ABLIM2: variants seen among roughly 807,000 people sequenced by gnomAD.
ABLIM2 encodes actin binding LIM protein family member 2.
ABLIM2 carries 53 observed loss-of-function variants against 97.7 expected under a neutral mutation model. The observed-to-expected ratio is 0.54, with a 90% CI of 0.44 to 0.68. ABLIM2 has a LOEUF of 0.68. Ranked by LOEUF, ABLIM2 falls within the 30% of genes least tolerant of loss-of-function variation. ABLIM2 has a pLI of 0.00. For synonymous variants in ABLIM2, 361 were observed against 345.8 expected (o/e 1.04, Z -0.49); for missense variants, 835 against 867.2 (o/e 0.96, Z 0.47).
At chr4:8,026,290 T>C (rs954375560) in intron 12 of ABLIM2, among the ~76,000 whole-genome samples, 20 of 152,168 alleles carry the variant, frequency 1.3e-4, no homozygotes, top group Non-Finnish European at 2.1e-4. Context: ...GTATGAGCCA[T>C]TGCACCCAGG....
chr4:7,986,390 C>A lies in ABLIM2; in HGVS notation c.1681-1497G>T, dbSNP rs141581107. Reference sequence around the variant, plus strand: ...GGGAAGCTGGACCTTCTTCCTGATGCAGAGCTGGAGTCAGAGGGCTAGAGT... The same window carrying A: ...GGGAAGCTGGACCTTCTTCCTGATGAAGAGCTGGAGTCAGAGGGCTAGAGT... On this transcript the variant is annotated intron_variant, in intron 17 of 20. Transcript: ENST00000447017. This position sits in a 1 kb window ranked among gnomAD's most constrained non-coding sequence, Gnocchi z 4.3. Among the ~76,000 whole-genome samples the A allele has an allele frequency of 2.2e-4, 33 of 152,302 alleles. No individual in the cohort carries two copies. Among genetic ancestry groups the A allele is most frequent in the African/African-American group, 7.9e-4 (33 of 41,568 alleles).
rs1158558689 is a variant in ABLIM2 at position 8,128,569 on chromosome 4, C to T, written c.11-21932G>A. Among the ~76,000 whole-genome samples, 1 of 152,246 alleles carries T rather than the reference C, an allele frequency of 6.6e-6. No individual in the cohort carries two copies. The highest frequency in any genetic ancestry group is 2.4e-5 in the African/African-American group (1 of 41,460). On this transcript the variant is annotated intron_variant, in intron 1 of 20. Transcript: ENST00000447017. This position sits in a 1 kb window ranked among gnomAD's most constrained non-coding sequence, Gnocchi z 4.9. ...TCCCAGGCTCTAAAACACGAATGCA[C>T]TAAACCTCCAGTGACCTTGCACAGC...
intron 1 of ABLIM2, among the ~76,000 whole-genome samples, chr4:8,133,839 G>A (rs955576307): frequency 6.6e-6 from 1 of 152,244 alleles, no homozygotes; most frequent in Non-Finnish European, 1.5e-5. Context: ...CAATGGCTGG[G>A]CTAGTTAGGC....
chr4:8,032,018 C>G lies in ABLIM2; in HGVS notation c.1048-2242G>C, dbSNP rs190690331. The stretch of plus-strand genomic sequence containing the variant: ...CTGGGATTACAGGTGTGAGCCACCA[C>G]GCCCAGCCTATGAAATGTTTACAAT... On this transcript the variant is annotated intron_variant, in intron 10 of 20. Transcript: ENST00000447017. The surrounding 1 kb of genome is among the most constrained non-coding windows in gnomAD (Gnocchi z 4.3). Among the ~76,000 whole-genome samples the G allele has an allele frequency of 6.6e-6, 1 of 152,048 alleles. No homozygotes were observed. The highest frequency in any genetic ancestry group is 2.4e-5 in the African/African-American group (1 of 41,388).
intron 14 of ABLIM2, among the ~76,000 whole-genome samples, chr4:8,013,648 C>T (rs1347291591): frequency 6.6e-6 from 1 of 152,240 alleles, no homozygotes; most frequent in African/African-American, 2.4e-5. Flanking sequence ...CCTTGTCTGT[C>T]TGACCCTGAA....
chr4:8,120,291 G>A lies in ABLIM2; in HGVS notation c.11-13654C>T, dbSNP rs1010011798. ...GTTGAAGTCCTAACCCCCGGACCTC[G>A]GCAAGTGACTGTGTTCGGAGACGGG... is the stretch of plus-strand genomic sequence containing the variant. On this transcript the variant is annotated intron_variant, in intron 1 of 20. Coordinates refer to ENST00000447017, the MANE Select transcript of ABLIM2 (RefSeq NM_001130083.2). The surrounding 1 kb of genome is among the most constrained non-coding windows in gnomAD (Gnocchi z 5.6). 5.9e-5 allele frequency among the ~76,000 whole-genome samples: 9 copies of A among 152,124 alleles called. No homozygotes were observed. The highest frequency in any genetic ancestry group is 1.7e-4 in the African/African-American group (7 of 41,420).
chr4:8,026,068 C>T (rs1777136126), intron 12 of ABLIM2, among the ~76,000 whole-genome samples: 1 of 152,182 alleles, frequency 6.6e-6, no homozygotes, highest in South Asian at 2.1e-4. Flanking sequence ...AGTGCAGTGG[C>T]ACAATCGTAG....
In ABLIM2 at chr4:8,123,535, A is replaced by C. The variant is rs1166806515; in HGVS notation, c.11-16898T>G. ...TGAGGGAAGCATTTCCGGCATGTCT[A>C]ATTAAAACTGGTCGTCGGGATGGCT... On this transcript the variant is annotated intron_variant, in intron 1 of 20. Coordinates refer to ENST00000447017, the MANE Select transcript of ABLIM2 (RefSeq NM_001130083.2). This position sits in a 1 kb window ranked among gnomAD's most constrained non-coding sequence, Gnocchi z 6.2. Among the ~76,000 whole-genome samples, 1 of 152,162 alleles carries C rather than the reference A, an allele frequency of 6.6e-6. No individual in the cohort carries two copies. Among genetic ancestry groups the C allele is most frequent in the African/African-American group, 2.4e-5 (1 of 41,442 alleles).
chr4:8,147,188 T>C lies in ABLIM2; in HGVS notation c.10+11492A>G, dbSNP rs1020354641. On this transcript the variant is annotated intron_variant, in intron 1 of 20. Coordinates refer to ENST00000447017, the MANE Select transcript of ABLIM2 (RefSeq NM_001130083.2). This position sits in a 1 kb window ranked among gnomAD's most constrained non-coding sequence, Gnocchi z 5.3. Reference sequence around the variant, plus strand: ...ACTGCTCCTCAAAAGATTAGACCAATTCATATTCTTATCCACAGTCTGTGA... The same window carrying C: ...ACTGCTCCTCAAAAGATTAGACCAACTCATATTCTTATCCACAGTCTGTGA... Among the ~76,000 whole-genome samples the C allele has an allele frequency of 6.6e-5, 10 of 152,228 alleles. No individual in the cohort carries two copies. Among genetic ancestry groups the C allele is most frequent in the Non-Finnish European group, 1.5e-4 (10 of 68,040 alleles).
Position 8,010,334 on chromosome 4 carries a change from C to G in ABLIM2, c.1424-1232G>C, listed in dbSNP as rs1160491435. On this transcript the variant is annotated intron_variant, in intron 14 of 20. Transcript: ENST00000447017. ...TGTATCCCTTACAGAAACACTGACC[C>G]CATGCACTGAACAATTACACAAAAA... 4.1e-6 allele frequency: 4 copies of G among 978,980 alleles called. No homozygotes were observed. The African/African-American group carries it at 7.0e-5, about 17-fold the overall frequency. The allele number at this position is 978,980 out of a possible 1,614,324, so 60.6% of individuals were successfully genotyped here.
At chr4:8,097,036 G>A (rs947945162) in intron 3 of ABLIM2, 63 bp downstream of exon 3, 3 of 1,515,610 alleles carry the variant, frequency 2.0e-6, no homozygotes, top group Admixed American at 2.1e-5. Flanking sequence ...GGGAAGGGAG[G>A]GAGGGAAGGA....
intron 6 of ABLIM2, among the ~76,000 whole-genome samples, chr4:8,066,361 G>GGAAT (rs1807508939): frequency 3.8e-4 from 4 of 10,440 alleles, no homozygotes; most frequent in Non-Finnish European, 5.7e-4. Flanking sequence ...AGGGAGGGAG[G>GGAAT]GAAGGAAGGA....
rs149125935 is a variant in ABLIM2 at position 8,127,271 on chromosome 4, C to T, written c.11-20634G>A. ...GTGTGAGGTTGGATCAGACTCTTCCCGTCCCCAGCCTTAGCTGACCTGTAC... is the reference window on the plus strand; with the variant it reads ...GTGTGAGGTTGGATCAGACTCTTCCTGTCCCCAGCCTTAGCTGACCTGTAC... On this transcript the variant is annotated intron_variant, in intron 1 of 20. Transcript: ENST00000447017. This position sits in a 1 kb window ranked among gnomAD's most constrained non-coding sequence, Gnocchi z 7.3. Among the ~76,000 whole-genome samples the T allele has an allele frequency of 2.1e-4, 32 of 152,320 alleles. No homozygotes were observed. Among genetic ancestry groups the T allele is most frequent in the Non-Finnish European group, 3.5e-4 (24 of 68,032 alleles).
intron 20 of ABLIM2, among the ~76,000 whole-genome samples, chr4:7,977,639 A>C (rs924280336): frequency 6.6e-6 from 1 of 151,892 alleles, no homozygotes; most frequent in African/African-American, 2.4e-5. Flanking sequence ...AAAACACAAA[A>C]AATTAGCCGG....
Position 7,992,752 on chromosome 4 carries a change from C to G in ABLIM2, c.1680+114G>C. On this transcript the variant is annotated intron_variant, in intron 17 of 20. Transcript: ENST00000447017. This position sits in a 1 kb window ranked among gnomAD's most constrained non-coding sequence, Gnocchi z 5.7. ...AGGGCATCAGGCAGAGGCAGGTGGG[C>G]CGCGGGGTCCCCGGGGCCTCTCCTC... The G allele has an allele frequency of 1.7e-6, 2 of 1,188,664 alleles. No individual in the cohort carries two copies. 73.6% of individuals were successfully genotyped at this position (1,188,664 alleles called of 1,614,324 possible).
At chr4:8,013,775 A>G (rs946327090) in intron 14 of ABLIM2, among the ~76,000 whole-genome samples, 6 of 152,348 alleles carry the variant, frequency 3.9e-5, no homozygotes, top group Non-Finnish European at 5.9e-5. Flanking sequence ...CCCACGGAGC[A>G]GCTGAAGAGA....
At chr4:7,983,800 G>A (rs572281374) in intron 18 of ABLIM2, among the ~76,000 whole-genome samples, 28 of 152,368 alleles carry the variant, frequency 1.8e-4, no homozygotes, top group East Asian at 1.3e-3. Flanking sequence ...GCTGGAAGCC[G>A]GAGGGCGGCA....
rs1304654374 is a variant in ABLIM2 at position 8,002,406 on chromosome 4, G to A, written c.1618+5653C>T. Reference sequence around the variant, plus strand: ...GGCCCTGCCAGTGAGATCCTTCCAGGGCCCCCCACTGCTTTTGTGGGAGCC... The same window carrying A: ...GGCCCTGCCAGTGAGATCCTTCCAGAGCCCCCCACTGCTTTTGTGGGAGCC... On this transcript the variant is annotated intron_variant, in intron 16 of 20. Transcript: ENST00000447017. The surrounding 1 kb of genome is among the most constrained non-coding windows in gnomAD (Gnocchi z 6.1). 6.6e-6 allele frequency among the ~76,000 whole-genome samples: 1 copy of A among 152,050 alleles called. No individual in the cohort carries two copies. Among genetic ancestry groups the A allele is most frequent in the African/African-American group, 2.4e-5 (1 of 41,332 alleles).
At chr4:7,971,724 C>T (rs1254100296) in intron 20 of ABLIM2, among the ~76,000 whole-genome samples, 1 of 152,118 alleles carries the variant, frequency 6.6e-6, no homozygotes, top group Non-Finnish European at 1.5e-5. Context: ...ACCCCCCTAC[C>T]AACCTCCAGC....
Sources: allele counts gnomAD v4.1 joint callset (sites outside exome capture counted in the v4.1 genomes callset), GRCh38; gene constraint gnomAD v4.1.1; non-coding constraint Gnocchi (gnomAD v3.1); transcripts MANE v1.5; gene names NCBI Gene and HGNC (gene_info 2026-07-23, HGNC 2026-07-21).